The following USP33 variants were observed in gnomAD, a reference collection of about 807,000 sequenced individuals.
The protein encoded by USP33 is ubiquitin specific peptidase 33.
USP33 carries 46 observed loss-of-function variants against 124.2 expected under a neutral mutation model. The ratio of observed to expected loss-of-function variants is 0.37; its 90% confidence interval spans 0.29 to 0.47. USP33 has a LOEUF of 0.47. Among genes scored for constraint, USP33 ranks in the 20% least tolerant of loss-of-function variants. USP33 has a pLI of 0.99. For synonymous variants in USP33, 350 were observed against 352.3 expected (o/e 0.99, Z 0.07); for missense variants, 851 against 1,070.6 (o/e 0.79, Z 2.86).
chr1:77,719,929 A>G (rs1173850702), intron 15 of USP33, among the ~76,000 whole-genome samples: 3 of 151,980 alleles, frequency 2.0e-5, no homozygotes, highest in Non-Finnish European at 4.4e-5. Context: ...TGGGAGGCCA[A>G]TGTTGGCAAA....
Position 77,725,603 on chromosome 1 carries a change from A to T in USP33, c.1276+19T>A, listed in dbSNP as rs1677069856. ...CTAAGACCCAAAGCAAAAGAGACTG[A>T]ATAAGAGAAACGTTTTACCTTTTTT... On this transcript the variant is annotated intron_variant, in intron 11 of 23. Transcript: ENST00000370794. The T allele has an allele frequency of 6.2e-7, 1 of 1,613,428 alleles. No homozygotes were observed. Among genetic ancestry groups the T allele is most frequent in the East Asian group, 2.2e-5 (1 of 44,870 alleles).
intron 1 of USP33, among the ~76,000 whole-genome samples, chr1:77,758,249 C>T (rs1459391164): frequency 1.5e-5 from 2 of 135,030 alleles, no homozygotes; most frequent in African/African-American, 5.7e-5. Context: ...GGCATGATCT[C>T]GGCTCATTGC....
intron 21 of USP33, among the ~76,000 whole-genome samples, chr1:77,709,568 T>C (rs1435753078): frequency 6.6e-6 from 1 of 150,902 alleles, no homozygotes; most frequent in Non-Finnish European, 1.5e-5. Context: ...TATATATCTA[T>C]ATTTTATATA....
At chr1:77,718,128 T>A (rs1161280197) in intron 16 of USP33, 81 bp from the exon 17 acceptor site, 31 of 1,219,784 alleles carry the variant, frequency 2.5e-5, no homozygotes, top group Non-Finnish European at 3.5e-5. Context: ...TAGTAACATT[T>A]TTATTCAACA....
chr1:77,721,382 T>C, intron 14 of USP33, 177 bp from the exon 15 acceptor site: 1 of 629,990 alleles, frequency 1.6e-6, no homozygotes, highest in Non-Finnish European at 2.8e-6. Flanking sequence ...CCTTAACTCC[T>C]GCCAACATTG....
chr1:77,729,179 T>G (rs1157693364), intron 9 of USP33, among the ~76,000 whole-genome samples: 1 of 152,140 alleles, frequency 6.6e-6, no homozygotes, highest in Non-Finnish European at 1.5e-5. Context: ...GTGCTGGGAT[T>G]ACAGGCATGA....
intron 21 of USP33, among the ~76,000 whole-genome samples, chr1:77,708,712 G>C (rs76723079): frequency 6.6e-6 from 1 of 152,146 alleles, no homozygotes; most frequent in East Asian, 1.9e-4. Flanking sequence ...CAAATAGTTT[G>C]TTGTTTTATA....
At chr1:77,719,794 C>A (rs1676344560) in intron 15 of USP33, among the ~76,000 whole-genome samples, 1 of 144,802 alleles carries the variant, frequency 6.9e-6, no homozygotes, top group Non-Finnish European at 1.5e-5. Context: ...GCAGAGGTTG[C>A]AGTGAGCCGA....
In USP33 at chr1:77,717,779, G is replaced by C. The variant is rs1431378158; in HGVS notation, c.1918+88C>G. 3.3e-6 allele frequency: 4 copies of C among 1,200,648 alleles called. No homozygotes were observed. In the Admixed American group the frequency reaches 8.7e-5, roughly 26 times the overall value. The allele number at this position is 1,200,648 out of a possible 1,614,324, so 74.4% of individuals were successfully genotyped here. A position where few individuals can be genotyped will look rare whatever the true frequency, so the allele number is the denominator to read the frequency against. On this transcript the variant is annotated intron_variant, in intron 17 of 23. Coordinates refer to ENST00000370794, the MANE Select transcript of USP33 (RefSeq NM_201624.3). ...TTCTCCCACCTCATTCTCCCAAAAG[G>C]CTGGTATTACAGGTATGAGCCACCA... is the stretch of plus-strand genomic sequence containing the variant.
At position 77,713,181 on chromosome 1, in the gene USP33, T is replaced by C; in HGVS notation, c.2297+19A>G. The C allele has an allele frequency of 6.3e-7, 1 of 1,594,950 alleles. No homozygotes were observed. Among genetic ancestry groups the C allele is most frequent in the Non-Finnish European group, 8.5e-7 (1 of 1,172,562 alleles). ...AACCGACTTTCACAACACTGTATGG[T>C]CTGATTTAAAAAACAAACCTGCTAT... is the stretch of plus-strand genomic sequence containing the variant. On this transcript the variant is annotated intron_variant, in intron 20 of 23. Transcript: ENST00000370794.
chr1:77,738,755 C>T (rs2101538515), intron 5 of USP33, among the ~76,000 whole-genome samples: 1 of 152,298 alleles, frequency 6.6e-6, no homozygotes, highest in South Asian at 2.1e-4. Context: ...ACTGGGATTA[C>T]AGGCGTGAGC....
intron 12 of USP33, among the ~76,000 whole-genome samples, chr1:77,722,819 A>C (rs1344724094): frequency 1.3e-5 from 2 of 152,232 alleles, no homozygotes; most frequent in Admixed American, 1.3e-4. Flanking sequence ...AGAAACTTTG[A>C]AGAAGTGTTA....
intron 15 of USP33, 53 bp from the exon 16 acceptor site, chr1:77,718,694 T>A: frequency 7.3e-7 from 1 of 1,379,158 alleles, no homozygotes; most frequent in Non-Finnish European, 1.0e-6. Context: ...TTAGTATATT[T>A]AAATTTGCAA....
intron 10 of USP33, 80 bp downstream of exon 10, chr1:77,728,215 C>T: frequency 2.2e-6 from 3 of 1,383,682 alleles, no homozygotes; most frequent in Middle Eastern, 1.9e-4. Flanking sequence ...ATTAGAAATA[C>T]CCAAAGTAAC....
At chr1:77,735,343 G>A (rs1338198808) in intron 6 of USP33, among the ~76,000 whole-genome samples, 2 of 152,032 alleles carry the variant, frequency 1.3e-5, no homozygotes, top group Non-Finnish European at 2.9e-5. Flanking sequence ...ATGCTATTTG[G>A]ATTTGGAGCA....
rs367803837 is a variant in USP33, at chr1:77,717,954, G to A, written c.1831C>T (p.Leu611Phe). 4 of 1,613,984 alleles carry A rather than the reference G, an allele frequency of 2.5e-6. No homozygotes were observed. The highest frequency in any genetic ancestry group is 3.4e-6 in the Non-Finnish European group (4 of 1,179,930). ...CTATCCTTAGCAAGAAATGGCTGAA[G>A]ATCCAAGCCTTCTAGCGGAAATGAA... ...HVSFPLEGLD[L>F]QPFLAKDSPA... Residue 611 changes from leucine (L) to phenylalanine (F), a missense_variant, in exon 17 of 24, where the codon CTT (leucine) becomes TTT (phenylalanine). Physicochemically the swap from Leu to Phe is conservative, Grantham distance 22 (BLOSUM62 0). Around this residue, in one of 4 missense-constraint regions of USP33, gnomAD observed 281 missense variants for 425.0 expected, o/e 0.66. Coordinates refer to ENST00000370794, the MANE Select transcript of USP33 (RefSeq NM_201624.3).
intron 22 of USP33, among the ~76,000 whole-genome samples, chr1:77,700,442 T>TA (rs1014584218): frequency 5.9e-5 from 9 of 152,204 alleles, no homozygotes; most frequent in African/African-American, 2.2e-4. Context: ...CAAATAATTG[T>TA]AAAAAATAAT....
At chr1:77,740,087 A>G (rs1678943958) in intron 4 of USP33, among the ~76,000 whole-genome samples, 1 of 152,224 alleles carries the variant, frequency 6.6e-6, no homozygotes, top group East Asian at 1.9e-4. Flanking sequence ...TCTTAAAACA[A>G]AGTCATTCGA....
chr1:77,703,428 A>G (rs1674264933), intron 21 of USP33, among the ~76,000 whole-genome samples: 1 of 152,178 alleles, frequency 6.6e-6, no homozygotes, highest in African/African-American at 2.4e-5. Flanking sequence ...GTTCGAGACC[A>G]GTCTGGCCAA....
Sources: allele counts gnomAD v4.1 joint callset (sites outside exome capture counted in the v4.1 genomes callset), GRCh38; gene constraint gnomAD v4.1.1; regional missense constraint gnomAD v4.1.1; transcripts MANE v1.5; gene names NCBI Gene and HGNC (gene_info 2026-07-23, HGNC 2026-07-21).